Variants in DHRSX observed in about 807,000 individuals in gnomAD.
DHRSX encodes the protein polyprenol dehydrogenase.
Under a neutral mutation model 34.0 loss-of-function variants are expected in DHRSX, and 31 were observed. The ratio of observed to expected loss-of-function variants is 0.91; its 90% CI spans 0.69 to 1.23. DHRSX has a LOEUF of 1.23. Ranked by LOEUF, DHRSX falls within the 50% of genes most tolerant of loss-of-function variation. The probability of loss-of-function intolerance (pLI) is 0.00; values close to 1 mark genes in which losing one functional copy is unlikely to be tolerated. For synonymous variants in DHRSX, 201 were observed against 183.8 expected, an observed-to-expected ratio of 1.09 and a Z score of -0.76; for missense variants, 414 against 428.1, an observed-to-expected ratio of 0.97 and a Z score of 0.29.
At chrX:2,245,318 A>G (rs1218671315) in intron 5 of DHRSX, among the ~76,000 whole-genome samples, 1 of 151,512 alleles carries the variant, frequency 6.6e-6, no homozygotes, top group Non-Finnish European at 1.5e-5. Context: ...TATACTTCTT[A>G]TTTTTTTGAG....
At chrX:2,256,099 A>G (rs2041274083) in intron 5 of DHRSX, among the ~76,000 whole-genome samples, 3 of 148,940 alleles carry the variant, frequency 2.0e-5, no homozygotes, top group Admixed American at 6.7e-5. Context: ...GGTTCAAGCA[A>G]TTCTCCTGCC....
chrX:2,389,699 G>A (rs2043312769), intron 3 of DHRSX, among the ~76,000 whole-genome samples: 1 of 152,162 alleles, frequency 6.6e-6, no homozygotes, highest in African/African-American at 2.4e-5. Context: ...ATTCTTCTCT[G>A]TATCTCCCTG....
intron 3 of DHRSX, among the ~76,000 whole-genome samples, chrX:2,314,274 ATGAG>A (rs1311877789): frequency 1.1e-4 from 4 of 35,412 alleles, no homozygotes; most frequent in Non-Finnish European, 1.6e-4. Context: ...GAAGGAGGGA[ATGAG>A]GGAGGGAAGG....
intron 1 of DHRSX, among the ~76,000 whole-genome samples, chrX:2,481,437 G>A (rs28563030): frequency 0.2 from 30,315 of 151,800 alleles, 4,034 homozygotes; most frequent in African/African-American, 0.37. Context: ...AGGCTGAGGC[G>A]GGTGGATCAC....
chrX:2,228,317 G>A (rs867229539), intron 6 of DHRSX, among the ~76,000 whole-genome samples: 2 of 2,944 alleles, frequency 6.8e-4, no homozygotes, highest in Non-Finnish European at 5.6e-4. Context: ...GGGAGGAAGG[G>A]AGGGAGGGAG....
intron 5 of DHRSX, among the ~76,000 whole-genome samples, chrX:2,248,001 A>G (rs2016338227): frequency 6.6e-6 from 1 of 152,088 alleles, no homozygotes. Flanking sequence ...AAAACTCGCC[A>G]TAAAGAAATT....
At chrX:2,305,813 G>A (rs746079640) in intron 3 of DHRSX, among the ~76,000 whole-genome samples, 1 of 150,776 alleles carries the variant, frequency 6.6e-6, no homozygotes, top group South Asian at 2.1e-4. Context: ...ACACAGGGAG[G>A]GGAACATCAC....
intron 4 of DHRSX, among the ~76,000 whole-genome samples, chrX:2,288,104 G>A (rs2041826105): frequency 7.2e-6 from 1 of 139,248 alleles, no homozygotes; most frequent in Admixed American, 7.6e-5. Context: ...GCAGGCAGAA[G>A]AACAAAAGTA....
intron 1 of DHRSX, among the ~76,000 whole-genome samples, chrX:2,485,747 G>C (rs1402617629): frequency 1.4e-5 from 1 of 71,112 alleles, no homozygotes; most frequent in Non-Finnish European, 2.6e-5. Flanking sequence ...GGAGAGAAGG[G>C]AGGGAAGGAA....
intron 4 of DHRSX, among the ~76,000 whole-genome samples, chrX:2,272,153 A>G (rs78788063): frequency 2.9e-4 from 44 of 152,236 alleles, no homozygotes; most frequent in Non-Finnish European, 4.9e-4. Flanking sequence ...AACCAACAAC[A>G]AAAAAACAAA....
chrX:2,449,991 A>G (rs4892904), intron 1 of DHRSX, among the ~76,000 whole-genome samples: 95,904 of 151,798 alleles, frequency 0.63, 32,036 homozygotes, highest in African/African-American at 0.86. Context: ...GCTCTTTTGT[A>G]ATAATACTAA....
At chrX:2,411,289 A>C (rs73191365) in intron 2 of DHRSX, among the ~76,000 whole-genome samples, 1 of 151,932 alleles carries the variant, frequency 6.6e-6, no homozygotes, top group Non-Finnish European at 1.5e-5. Flanking sequence ...CATGCCTGTA[A>C]TCTCAGCCCT....
chrX:2,308,830 A>G lies in DHRSX; in HGVS notation c.287-17227T>C, dbSNP rs753427783. On this transcript the variant is annotated intron_variant, in intron 3 of 6. Coordinates refer to ENST00000334651, the MANE Select transcript of DHRSX (RefSeq NM_145177.3). ...ATGAATGGAAGGAGGGAAGAAAGAA[A>G]GGGAGGGAGGGAGAAAGGAGGGAAG... is the stretch of plus-strand genomic sequence containing the variant. Among the ~76,000 whole-genome samples, 7 of 149,242 alleles carry G rather than the reference A, an allele frequency of 4.7e-5. No individual in the cohort carries two copies. In the South Asian group the frequency reaches 1.5e-3, roughly 33 times the overall value.
intron 3 of DHRSX, among the ~76,000 whole-genome samples, chrX:2,371,548 T>C (rs80291051): frequency 1.5e-3 from 81 of 54,290 alleles, no homozygotes; most frequent in Admixed American, 5.7e-3. Context: ...TCCGTCCTTC[T>C]GTTACCATAG....
At chrX:2,275,464 G>A (rs1190926040) in intron 4 of DHRSX, among the ~76,000 whole-genome samples, 2 of 151,008 alleles carry the variant, frequency 1.3e-5, no homozygotes, top group Admixed American at 6.6e-5. Context: ...AGCTGATATC[G>A]TGCACTGCAC....
intron 6 of DHRSX, among the ~76,000 whole-genome samples, chrX:2,226,524 G>C (rs1401636598): frequency 5.3e-5 from 8 of 152,148 alleles, no homozygotes; most frequent in Non-Finnish European, 1.2e-4. Context: ...AGAAAACACA[G>C]GCGCGGTAGC....
At chrX:2,354,202 C>G (rs1264451473) in intron 3 of DHRSX, among the ~76,000 whole-genome samples, 1 of 152,186 alleles carries the variant, frequency 6.6e-6, no homozygotes, top group Non-Finnish European at 1.5e-5. Context: ...AAACACCAGA[C>G]GTAGCACAAC....
At chrX:2,259,091 GGTGAACCCCC>G (rs1442081294) in intron 5 of DHRSX, among the ~76,000 whole-genome samples, 5 of 152,040 alleles carry the variant, frequency 3.3e-5, no homozygotes, top group Non-Finnish European at 7.3e-5. Context: ...TGGCCAACAT[GGTGAACCCCC>G]GTCTCTACTA....
chrX:2,312,388 G>A (rs2042174327), intron 3 of DHRSX, among the ~76,000 whole-genome samples: 1 of 152,118 alleles, frequency 6.6e-6, no homozygotes, highest in African/African-American at 2.4e-5. Context: ...GGAATACTAT[G>A]CAGCCATAAA....
Sources: gnomAD v4.1 joint callset for allele counts (sites outside exome capture counted in the v4.1 genomes callset) on GRCh38, gnomAD v4.1.1 for gene constraint, MANE v1.5 for transcripts, NCBI Gene and HGNC (gene_info 2026-07-23, HGNC 2026-07-21) for gene names.